The following TBX20 variants were observed in gnomAD, a reference collection of about 807,000 sequenced individuals.
TBX20 encodes the protein T-box transcription factor 20.
Under a neutral mutation model 42.9 loss-of-function variants are expected in TBX20, and 8 were observed. The ratio of observed to expected loss-of-function variants is 0.19; its 90% CI spans 0.11 to 0.34. The LOEUF (loss-of-function observed/expected upper bound fraction) is 0.34, where lower values mean the gene tolerates loss of function less well. TBX20 is among the 10% of genes least tolerant of loss of function. The probability of loss-of-function intolerance (pLI) is 1.00; values close to 1 mark genes in which losing one functional copy is unlikely to be tolerated. For missense variants in TBX20, 411 were observed against 566.0 expected (o/e 0.73, Z 2.78); for synonymous variants, 198 against 222.8 (o/e 0.89, Z 0.99).
Position 35,253,641 on chromosome 7 carries a change from G to A in TBX20, c.-21C>T. 5.0e-6 allele frequency: 8 copies of A among 1,608,324 alleles called. No individual in the cohort carries two copies. The highest frequency in any genetic ancestry group is 6.8e-6 in the Non-Finnish European group (8 of 1,178,216). On this transcript the variant is annotated 5_prime_UTR_variant, in exon 1 of 8. Coordinates refer to ENST00000408931, the MANE Select transcript of TBX20 (RefSeq NM_001077653.2). ...TCCATGGTCCCCAGCACGCGGTCCT[G>A]GCCAGGGACGGGGTCGTCCGAACTG...
At chr7:35,213,331 T>C (rs1789529403) in intron 6 of TBX20, among the ~76,000 whole-genome samples, 1 of 152,176 alleles carries the variant, frequency 6.6e-6, no homozygotes. Context: ...TCACAATCTT[T>C]GGGAGTGGGA....
At chr7:35,204,673 A>T in intron 6 of TBX20, 91 bp from the exon 7 acceptor site, 3 of 959,162 alleles carry the variant, frequency 3.1e-6, no homozygotes, top group Non-Finnish European at 4.9e-6. Flanking sequence ...AATCAGTAAA[A>T]CCATTTTCTC....
chr7:35,249,653 C>A lies in TBX20; in HGVS notation c.380+298G>T, dbSNP rs1156491622. 6.6e-6 allele frequency among the ~76,000 whole-genome samples: 1 copy of A among 152,236 alleles called. No homozygotes were observed. The highest frequency in any genetic ancestry group is 1.5e-5 in the Non-Finnish European group (1 of 68,030). ...GATCCCGACCCTCCACCCGCCAAAC[C>A]TTCTCCAGCTCCAGGGAAAGCAGAC... On this transcript the variant is annotated intron_variant, in intron 2 of 7. Transcript: ENST00000408931. The surrounding 1 kb of genome is among the most constrained non-coding windows in gnomAD (Gnocchi z 4.3).
At chr7:35,239,538 T>C (rs1790033351) in intron 5 of TBX20, among the ~76,000 whole-genome samples, 1 of 152,214 alleles carries the variant, frequency 6.6e-6, no homozygotes, top group African/African-American at 2.4e-5. Flanking sequence ...TCCGTTCTGA[T>C]GGAGAGAAGT....
intron 7 of TBX20, among the ~76,000 whole-genome samples, chr7:35,203,433 C>T (rs557387208): frequency 3.9e-5 from 6 of 151,938 alleles, no homozygotes; most frequent in Non-Finnish European, 7.4e-5. Flanking sequence ...CCTCCTCTTC[C>T]TCATCTGCCA....
At chr7:35,213,518 T>C (rs897937225) in intron 6 of TBX20, among the ~76,000 whole-genome samples, 2 of 152,236 alleles carry the variant, frequency 1.3e-5, no homozygotes, top group African/African-American at 4.8e-5. Context: ...AAAATGAGAC[T>C]ATGATAACCC....
intron 6 of TBX20, among the ~76,000 whole-genome samples, chr7:35,225,264 TG>T (rs1789749832): frequency 6.6e-6 from 1 of 152,184 alleles, no homozygotes; most frequent in South Asian, 2.1e-4. Context: ...CCAATAAAAA[TG>T]TAATGTGAGT....
At chr7:35,241,282 T>C (rs1437293461) in intron 4 of TBX20, among the ~76,000 whole-genome samples, 2 of 152,218 alleles carry the variant, frequency 1.3e-5, no homozygotes, top group Non-Finnish European at 2.9e-5. Flanking sequence ...CTTTCTAAAA[T>C]GGTAAGGGGA....
intron 6 of TBX20, among the ~76,000 whole-genome samples, chr7:35,229,308 A>G (rs1478456268): frequency 2.6e-5 from 4 of 152,176 alleles, no homozygotes; most frequent in African/African-American, 9.7e-5. Flanking sequence ...GAGCAATTCA[A>G]TTACTAGATG....
rs567238165 is a variant in TBX20 at position 35,226,714 on chromosome 7, A to G, written c.890+4790T>C. On this transcript the variant is annotated intron_variant, in intron 6 of 7. Coordinates refer to ENST00000408931, the MANE Select transcript of TBX20 (RefSeq NM_001077653.2). ...TCTATCACCTAGTGACATCATAGCC[A>G]TCATAATGCAGCAACACAACATGTT... Among the ~76,000 whole-genome samples, 466 of 152,320 alleles carry G rather than the reference A, an allele frequency of 3.1e-3. 1 individual carries two copies. The highest frequency in any genetic ancestry group is 0.011 in the African/African-American group (441 of 41,578).
intron 6 of TBX20, among the ~76,000 whole-genome samples, chr7:35,213,559 T>C (rs1789532480): frequency 6.6e-6 from 1 of 152,144 alleles, no homozygotes; most frequent in East Asian, 1.9e-4. Flanking sequence ...GAACTGCTGG[T>C]CTAACATTGG....
chr7:35,249,161 G>A lies in TBX20; in HGVS notation c.381-320C>T, dbSNP rs771290799. Among the ~76,000 whole-genome samples, 3 of 152,174 alleles carry A rather than the reference G, an allele frequency of 2.0e-5. No individual in the cohort carries two copies. The highest frequency in any genetic ancestry group is 1.3e-4 in the Admixed American group (2 of 15,288). ...TAGGGAAAATCCCATGCATTTTAAC[G>A]ATCAAGCACATTAAGTGTCCCAGGA... On this transcript the variant is annotated intron_variant, in intron 2 of 7. Coordinates refer to ENST00000408931, the MANE Select transcript of TBX20 (RefSeq NM_001077653.2). The surrounding 1 kb of genome is among the most constrained non-coding windows in gnomAD (Gnocchi z 4.3).
At position 35,202,506 on chromosome 7, in the gene TBX20, T is replaced by C; in HGVS notation, c.1268A>G (p.His423Arg). Residue 423 changes from histidine (H) to arginine (R), a missense_variant, in exon 8 of 8, where the codon CAC (histidine) becomes CGC (arginine). By Grantham distance (29) the His-to-Arg change is conservative. Around this residue, in one of 5 missense-constraint regions of TBX20, gnomAD observed 162 missense variants for 205.4 expected, o/e 0.79. Transcript: ENST00000408931. ...FPSFHMPRYH[H>R]YFQQGPYAAI... ...AGCATAGGGCCCCTGCTGAAAATAG[T>C]GATGGTATCGCGGCATGTGGAATGA... 1 of 1,609,416 alleles carries C rather than the reference T, an allele frequency of 6.2e-7. No individual in the cohort carries two copies. The highest frequency in any genetic ancestry group is 1.7e-4 in the Middle Eastern group (1 of 6,060).
chr7:35,251,105 A>G (rs1790296788), intron 1 of TBX20, among the ~76,000 whole-genome samples: 1 of 152,208 alleles, frequency 6.6e-6, no homozygotes, highest in African/African-American at 2.4e-5. Context: ...ATTCTCCCCC[A>G]CAGCTGATAA....
rs569494866 is a variant in TBX20 at position 35,207,787 on chromosome 7, T to C, written c.891-3205A>G. 2.6e-5 allele frequency among the ~76,000 whole-genome samples: 4 copies of C among 152,286 alleles called. No individual in the cohort carries two copies. The South Asian group carries it at 6.2e-4, about 24-fold the overall frequency. On this transcript the variant is annotated intron_variant, in intron 6 of 7. Transcript: ENST00000408931. The stretch of plus-strand genomic sequence containing the variant: ...GTCTACTCTTGGACTCTTTATTCTA[T>C]TGATGTGTTCGTGGAACTTGACACC...
intron 5 of TBX20, among the ~76,000 whole-genome samples, chr7:35,233,982 C>T (rs1294564520): frequency 1.3e-5 from 2 of 152,156 alleles, no homozygotes; most frequent in African/African-American, 2.4e-5. Context: ...GTAAATCAAA[C>T]CCACATGAAA....
chr7:35,244,804 C>A, intron 4 of TBX20, 145 bp downstream of exon 4: 1 of 666,242 alleles, frequency 1.5e-6, no homozygotes. Flanking sequence ...CCCTGAAGAA[C>A]ACATAAATGT....
rs536449636 is a variant in TBX20, at chr7:35,240,868, T to C, written c.813+11A>G. ...CTTATGCAGGAACTAAATTGTGAAC[T>C]GTACACTCACCAGTTGATTCTGGTA... On this transcript the variant is annotated intron_variant, in intron 5 of 7. Transcript: ENST00000408931. 1.9e-6 allele frequency: 3 copies of C among 1,613,268 alleles called. No individual in the cohort carries two copies. The highest frequency in any genetic ancestry group is 2.2e-5 in the East Asian group (1 of 44,866).
chr7:35,216,546 A>G (rs1240774091), intron 6 of TBX20, among the ~76,000 whole-genome samples: 3 of 152,402 alleles, frequency 2.0e-5, no homozygotes, highest in African/African-American at 7.2e-5. Context: ...AGTGCTCAAT[A>G]AATGTTTATA....
Sources: allele counts gnomAD v4.1 joint callset (sites outside exome capture counted in the v4.1 genomes callset), GRCh38; gene constraint gnomAD v4.1.1; regional missense constraint gnomAD v4.1.1; non-coding constraint Gnocchi (gnomAD v3.1); transcripts MANE v1.5; gene names NCBI Gene and HGNC (gene_info 2026-07-23, HGNC 2026-07-21).